Variants in ERAP1 observed in about 807,000 individuals in gnomAD.
ERAP1 encodes endoplasmic reticulum aminopeptidase 1, also known as adipocyte-derived leucine aminopeptidase.
A neutral mutation model predicts 103.7 loss-of-function variants in ERAP1; 86 were observed. That is an observed-to-expected ratio of 0.83 (90% CI 0.70 to 0.99). ERAP1 has a LOEUF of 0.99. ERAP1 is among the 50% of genes least tolerant of loss of function. The probability of loss-of-function intolerance (pLI) is 0.00; values close to 1 mark genes in which losing one functional copy is unlikely to be tolerated. For missense variants in ERAP1, 1,009 were observed against 1,128.4 expected (o/e 0.89, Z 1.52); for synonymous variants, 398 against 402.4 (o/e 0.99, Z 0.13).
chr5:96,767,999 G>A, intron 19 of ERAP1: 1 of 1,596,214 alleles, frequency 6.3e-7, no homozygotes, highest in South Asian at 1.1e-5. Flanking sequence ...ACACAGCAAA[G>A]GTACTGTGCT....
At chr5:96,862,540 A>G in the ERAP1 span, among the ~76,000 whole-genome samples, 59 of 152,338 alleles carry the variant, frequency 3.9e-4, 1 homozygote, top group South Asian at 0.011. Context: ...TCAAAGCCAG[A>G]TATGAGATCT....
chr5:96,776,320 C>G lies in ERAP1; in HGVS notation c.*76G>C, dbSNP rs1012719530. The stretch of plus-strand genomic sequence containing the variant: ...GTATCTCCAGTTGGAGCCAAAACAG[C>G]CATCTCTAGTTTGAAAATACACTCA... On this transcript the variant is annotated 3_prime_UTR_variant, in exon 19 of 19. Coordinates refer to ENST00000443439, the MANE Select transcript of ERAP1 (RefSeq NM_001040458.3). The G allele has an allele frequency of 1.3e-6, 2 of 1,554,400 alleles. No homozygotes were observed. The highest frequency in any genetic ancestry group is 2.7e-5 in the African/African-American group (2 of 72,846).
exon 20 of ERAP1, chr5:96,762,288 T>C (rs775316398): frequency 1.9e-6 from 3 of 1,607,214 alleles, no homozygotes; most frequent in Non-Finnish European, 2.5e-6. Flanking sequence ...TTGAAGATGC[T>C]AAACTTGCTG....
In ERAP1 at chr5:96,785,867, C is replaced by T. The variant is rs752194111; in HGVS notation, c.1864G>A (p.Gly622Ser). ...YEDDGWDSLTGLLKGTHTAVS... is the reference protein window; with the variant it reads ...YEDDGWDSLTSLLKGTHTAVS... ...GCTGTGTGTGTTCCTTTTAAAAGGCCAGTCAAAGAGTCCCATCCATCATCC... is the reference window on the plus strand; with the variant it reads ...GCTGTGTGTGTTCCTTTTAAAAGGCTAGTCAAAGAGTCCCATCCATCATCC... The change falls in exon 13 of 19, where the codon GGC becomes AGC. Residue 622 changes from glycine (G) to serine (S), a missense_variant. Gly to Ser is a moderately conservative substitution (Grantham distance 56). Coordinates refer to ENST00000443439, the MANE Select transcript of ERAP1 (RefSeq NM_001040458.3). The T allele has an allele frequency of 2.5e-6, 4 of 1,604,016 alleles. No individual in the cohort carries two copies. The South Asian group carries it at 3.3e-5, about 13-fold the overall frequency.
At chr5:96,891,078 T>C in the ERAP1 span, among the ~76,000 whole-genome samples, 1 of 152,318 alleles carries the variant, frequency 6.6e-6, no homozygotes, top group Middle Eastern at 3.4e-3. Context: ...TACTAATCTT[T>C]ATTAGCGCTA....
the ERAP1 span, chr5:96,909,658 C>A: frequency 6.2e-7 from 1 of 1,614,184 alleles, no homozygotes; most frequent in Non-Finnish European, 8.5e-7. Context: ...GGACAGGATG[C>A]TCCGCTCGGC....
the ERAP1 span, among the ~76,000 whole-genome samples, chr5:96,859,340 T>A: frequency 6.6e-6 from 1 of 152,102 alleles, no homozygotes; most frequent in Admixed American, 6.6e-5. Context: ...ACATTCACCT[T>A]CGTGTTCCCA....
At chr5:96,821,933 T>G in the ERAP1 span, among the ~76,000 whole-genome samples, 1 of 152,240 alleles carries the variant, frequency 6.6e-6, no homozygotes, top group East Asian at 1.9e-4. Context: ...AAATTCTGCC[T>G]TTCAAATCTT....
the ERAP1 span, chr5:96,883,830 G>A: frequency 6.3e-5 from 101 of 1,613,276 alleles, no homozygotes; most frequent in African/African-American, 8.1e-4. Flanking sequence ...ACCCAGGCAC[G>A]CATGGCTTTC....
Position 96,776,500 on chromosome 5 carries a change from C to T in ERAP1, c.2722G>A (p.Val908Ile). 2 of 1,614,178 alleles carry T rather than the reference C, an allele frequency of 1.2e-6. No homozygotes were observed. The highest frequency in any genetic ancestry group is 1.7e-6 in the Non-Finnish European group (2 of 1,180,028). ...LKENGSQLRC[V>I]QQTIETIEEN... ...TCAATGGTTTCAATTGTCTGTTGGA[C>T]ACAACGGAGCTGAGAACCATTTTCT... The change falls in exon 19 of 19, where the codon GTC (valine) becomes ATC (isoleucine). Residue 908 changes from valine to isoleucine, a missense_variant. Physicochemically the swap from Val to Ile is conservative, Grantham distance 29. Around this residue, in one of 3 missense-constraint regions of ERAP1, gnomAD observed 611 missense variants for 651.7 expected, o/e 0.94. Transcript: ENST00000443439.
At chr5:96,765,944 T>G in intron 19 of ERAP1, 2 of 670,478 alleles carry the variant, frequency 3.0e-6, no homozygotes, top group Non-Finnish European at 5.4e-6. Context: ...ACAGACCATA[T>G]GTTTTGCCTC....
chr5:96,901,135 C>G, the ERAP1 span, among the ~76,000 whole-genome samples: 2 of 152,156 alleles, frequency 1.3e-5, no homozygotes, highest in Non-Finnish European at 2.9e-5. Flanking sequence ...CCCTCGTAAA[C>G]CACCCCTCCT....
the ERAP1 span, among the ~76,000 whole-genome samples, chr5:96,933,247 T>G: frequency 7.1e-6 from 1 of 140,702 alleles, no homozygotes; most frequent in Non-Finnish European, 1.5e-5. Flanking sequence ...AGATGGAGTC[T>G]TGCTCTGTCG....
At chr5:96,898,963 C>A in the ERAP1 span, among the ~76,000 whole-genome samples, 3 of 152,074 alleles carry the variant, frequency 2.0e-5, no homozygotes, top group Non-Finnish European at 4.4e-5. Context: ...AGTTTAGCTC[C>A]CCTCCAACAC....
chr5:96,933,187 T>C, the ERAP1 span, among the ~76,000 whole-genome samples: 1 of 152,008 alleles, frequency 6.6e-6, no homozygotes, highest in African/African-American at 2.4e-5. Context: ...GTTTACTATT[T>C]TTACTTCTTA....
chr5:96,858,013 C>T, the ERAP1 span, among the ~76,000 whole-genome samples: 1 of 152,140 alleles, frequency 6.6e-6, no homozygotes, highest in Non-Finnish European at 1.5e-5. Flanking sequence ...GGTCATATAG[C>T]AAGGGCAGTG....
In ERAP1 at chr5:96,792,035, TATCCTTATACTCA is replaced by T. The variant is rs1270822890; in HGVS notation, c.1320+13_1320+25del. ...ATGTATAACTTTAGTATCTAAACTG[TATCCTTATACTCA>T]ATCTACTTTTACCTTATCATAAGAA... On this transcript the variant is annotated intron_variant, in intron 8 of 18. Coordinates refer to ENST00000443439, the MANE Select transcript of ERAP1 (RefSeq NM_001040458.3). 1 of 1,612,856 alleles carries T rather than the reference TATCCTTATACTCA, an allele frequency of 6.2e-7. No individual in the cohort carries two copies. Among genetic ancestry groups the T allele is most frequent in the East Asian group, 2.2e-5 (1 of 44,862 alleles).
At chr5:96,762,357 A>G in exon 20 of ERAP1, 1 of 1,596,810 alleles carries the variant, frequency 6.3e-7, no homozygotes, top group Non-Finnish European at 8.5e-7. Flanking sequence ...CTGGAGCCCC[A>G]CCCCGTGATA....
the ERAP1 span, among the ~76,000 whole-genome samples, chr5:96,856,349 A>AAT: frequency 0.01 from 89 of 8,532 alleles, 2 homozygotes; most frequent in East Asian, 0.068. Context: ...AAAAAAAAAA[A>AAT]ATATATATAT....
Sources: gnomAD v4.1 joint callset for allele counts (sites outside exome capture counted in the v4.1 genomes callset) on GRCh38, gnomAD v4.1.1 for gene constraint, gnomAD v4.1.1 regional missense constraint, MANE v1.5 for transcripts, NCBI Gene and HGNC (gene_info 2026-07-23, HGNC 2026-07-21) for gene names.